CPVL: variants seen among roughly 807,000 people sequenced by gnomAD.
The protein encoded by CPVL is probable serine carboxypeptidase CPVL.
In CPVL, 51 loss-of-function variants were observed where a neutral mutation model predicts 63.7. The ratio of observed to expected loss-of-function variants is 0.80; its 90% CI spans 0.64 to 1.01. The LOEUF (loss-of-function observed/expected upper bound fraction) is 1.01, where lower values mean the gene tolerates loss of function less well. Among genes scored for constraint, CPVL ranks in the 50% least tolerant of loss-of-function variants. CPVL has a pLI of 0.00. For synonymous variants in CPVL, 195 were observed against 206.0 expected (o/e 0.95, Z 0.46); for missense variants, 530 against 573.1 (o/e 0.92, Z 0.77).
At chr7:29,032,764 G>A (rs950248954) in intron 11 of CPVL, among the ~76,000 whole-genome samples, 2 of 152,168 alleles carry the variant, frequency 1.3e-5, no homozygotes, top group Admixed American at 6.5e-5. Context: ...CATCTCTCAT[G>A]TGTCTCCCAC....
At chr7:29,090,534 A>G (rs1341658829) in intron 6 of CPVL, among the ~76,000 whole-genome samples, 2 of 152,224 alleles carry the variant, frequency 1.3e-5, no homozygotes, top group Admixed American at 6.5e-5. Flanking sequence ...TAGGTCCACC[A>G]CTAGACTGAG....
intron 2 of CPVL, among the ~76,000 whole-genome samples, chr7:29,117,560 G>T (rs558743594): frequency 6.6e-6 from 1 of 152,206 alleles, no homozygotes; most frequent in East Asian, 1.9e-4. Context: ...GCCAGTATAG[G>T]GTTTAATTCA....
intron 12 of CPVL, among the ~76,000 whole-genome samples, chr7:29,002,589 T>C (rs1784749781): frequency 6.6e-6 from 1 of 152,046 alleles, no homozygotes; most frequent in African/African-American, 2.4e-5. Context: ...GATCCAGATA[T>C]TAGAGTTACC....
At chr7:29,033,857 G>A (rs1788263530) in intron 11 of CPVL, among the ~76,000 whole-genome samples, 1 of 152,146 alleles carries the variant, frequency 6.6e-6, no homozygotes, top group Non-Finnish European at 1.5e-5. Flanking sequence ...TAGAGGGCTG[G>A]CTGCTTAGCT....
chr7:29,177,596 C>A (rs1362424456), intron 5 of CPVL, among the ~76,000 whole-genome samples: 1 of 151,366 alleles, frequency 6.6e-6, no homozygotes, highest in African/African-American at 2.4e-5. Context: ...TTCCTCTGTC[C>A]CCTCATTTTT....
intron 1 of CPVL, among the ~76,000 whole-genome samples, chr7:29,133,344 A>G (rs1014569288): frequency 3.3e-5 from 5 of 152,366 alleles, no homozygotes; most frequent in Admixed American, 3.3e-4. Context: ...TGACATGCTG[A>G]CAGTGCCCCT....
chr7:29,059,230 TG>T (rs1164981420), intron 11 of CPVL, among the ~76,000 whole-genome samples: 1 of 152,182 alleles, frequency 6.6e-6, no homozygotes, highest in Non-Finnish European at 1.5e-5. Context: ...ACAGTGTTTT[TG>T]ATCTCTAACA....
At chr7:29,043,920 C>T (rs1789369412) in intron 11 of CPVL, among the ~76,000 whole-genome samples, 1 of 152,102 alleles carries the variant, frequency 6.6e-6, no homozygotes, top group Admixed American at 6.5e-5. Flanking sequence ...TCCACTCTCA[C>T]ACGAAAGAAG....
At chr7:29,102,361 CTAAA>C in intron 3 of CPVL, among the ~76,000 whole-genome samples, 1 of 152,024 alleles carries the variant, frequency 6.6e-6, no homozygotes, top group East Asian at 1.9e-4. Flanking sequence ...AAACAAGCAA[CTAAA>C]TAAATGAGTG....
chr7:29,094,953 A>T, intron 5 of CPVL, 131 bp downstream of exon 5: 1 of 711,504 alleles, frequency 1.4e-6, no homozygotes, highest in Non-Finnish European at 2.4e-6. Context: ...AAATGGTTTT[A>T]ATTTTACAGA....
At chr7:29,059,322 A>G (rs534847988) in intron 11 of CPVL, among the ~76,000 whole-genome samples, 102 of 152,274 alleles carry the variant, frequency 6.7e-4, no homozygotes, top group Admixed American at 2.3e-3. Flanking sequence ...TTTTCCATTA[A>G]AATCCTTAGC....
intron 11 of CPVL, among the ~76,000 whole-genome samples, chr7:29,050,989 CAT>C (rs1790097972): frequency 6.6e-6 from 1 of 152,026 alleles, no homozygotes; most frequent in Non-Finnish European, 1.5e-5. Flanking sequence ...CAAATAAAAA[CAT>C]AAAGTGGGGA....
intron 11 of CPVL, among the ~76,000 whole-genome samples, chr7:29,055,838 C>T (rs1239254278): frequency 2.6e-5 from 4 of 152,166 alleles, no homozygotes; most frequent in East Asian, 3.9e-4. Flanking sequence ...TTATTAAAGG[C>T]ATTACAATTA....
At chr7:29,040,922 A>G (rs1442685702) in intron 11 of CPVL, among the ~76,000 whole-genome samples, 5 of 152,132 alleles carry the variant, frequency 3.3e-5, no homozygotes, top group Admixed American at 6.5e-5. Context: ...TCTTTGGAAA[A>G]AAGCTCCCTA....
intron 7 of CPVL, among the ~76,000 whole-genome samples, chr7:29,074,620 AGG>A (rs1784059642): frequency 6.6e-6 from 1 of 151,610 alleles, no homozygotes; most frequent in Non-Finnish European, 1.5e-5. Flanking sequence ...ATCTGGTGGG[AGG>A]TGATTGGATC....
At chr7:29,029,147 A>G (rs1787780399) in intron 12 of CPVL, among the ~76,000 whole-genome samples, 1 of 152,160 alleles carries the variant, frequency 6.6e-6, no homozygotes, top group African/African-American at 2.4e-5. Flanking sequence ...CAAAAAGACA[A>G]AAAATAACAG....
At chr7:29,018,490 T>C (rs577065986) in intron 12 of CPVL, among the ~76,000 whole-genome samples, 62 of 151,366 alleles carry the variant, frequency 4.1e-4, no homozygotes, top group African/African-American at 1.4e-3. Flanking sequence ...GCGATTCTCA[T>C]GCCTCTGACT....
chr7:29,021,216 T>G lies in CPVL; in HGVS notation c.1320+9361A>C, dbSNP rs906149056. ...ACTTTATGTCAATGAATCTGAAATT[T>G]TGGATGAAATAGACAAATTCCTGAA... On this transcript the variant is annotated intron_variant, in intron 12 of 12. Transcript: ENST00000265394. 2.6e-5 allele frequency among the ~76,000 whole-genome samples: 4 copies of G among 152,010 alleles called. No homozygotes were observed. In the East Asian group the frequency reaches 5.8e-4, roughly 22 times the overall value.
At chr7:29,119,138 TC>T (rs1245633932) in intron 2 of CPVL, among the ~76,000 whole-genome samples, 1 of 152,190 alleles carries the variant, frequency 6.6e-6, no homozygotes, top group Non-Finnish European at 1.5e-5. Flanking sequence ...CCTACTGAAG[TC>T]CAGAAAGTTG....
Sources: gnomAD v4.1 joint callset for allele counts (sites outside exome capture counted in the v4.1 genomes callset) on GRCh38, gnomAD v4.1.1 for gene constraint, MANE v1.5 for transcripts, NCBI Gene and HGNC (gene_info 2026-07-23, HGNC 2026-07-21) for gene names.